Variants in STK31 observed in about 807,000 individuals in gnomAD.
STK31 encodes the protein serine/threonine kinase 31, also known as serine/threonine-protein kinase 31.
A neutral mutation model predicts 129.7 loss-of-function variants in STK31; 89 were observed. The observed-to-expected ratio is 0.69, with a 90% CI of 0.58 to 0.82. STK31 has a LOEUF of 0.82. Ranked by LOEUF, STK31 falls within the 40% of genes least tolerant of loss-of-function variation. STK31 has a pLI of 0.00. For synonymous variants in STK31, 448 were observed against 395.3 expected, an observed-to-expected ratio of 1.13 and a Z score of -1.58; for missense variants, 1,187 against 1,176.4, an observed-to-expected ratio of 1.01 and a Z score of -0.13.
intron 21 of STK31, 151 bp from the exon 22 acceptor site, chr7:23,790,673 A>G (rs1477489915): frequency 4.0e-6 from 3 of 752,420 alleles, no homozygotes; most frequent in African/African-American, 3.6e-5. Context: ...AGAGCAATTT[A>G]TAATAGCAGA....
intron 23 of STK31, among the ~76,000 whole-genome samples, chr7:23,828,928 T>A (rs1794368799): frequency 6.6e-6 from 1 of 151,958 alleles, no homozygotes; most frequent in Non-Finnish European, 1.5e-5. Context: ...GAGATGGAGT[T>A]TCGTTCGTGT....
chr7:23,760,041 G>T (rs149957991), intron 10 of STK31, among the ~76,000 whole-genome samples: 11 of 152,194 alleles, frequency 7.2e-5, no homozygotes, highest in Admixed American at 1.3e-4. Flanking sequence ...TTGTTTGTGT[G>T]TGTGAGTAGG....
chr7:23,772,169 A>C lies in STK31; in HGVS notation c.1856A>C (p.Tyr619Ser), dbSNP rs914767320. The C allele has an allele frequency of 6.3e-7, 1 of 1,584,772 alleles. No homozygotes were observed. Among genetic ancestry groups the C allele is most frequent in the African/African-American group, 1.4e-5 (1 of 73,500 alleles). ...TAGTTTAAAAAGCAGCTTATTGAAT[A>C]TTTAAATAAGAGTCCCAGTGTGGAT... is the stretch of plus-strand genomic sequence containing the variant. ...SIEFKKQLIE[Y>S]LNKSPSVDHL... Residue 619 changes from tyrosine to serine, a missense_variant, in exon 15 of 24, where the codon TAT (tyrosine) becomes TCT (serine). By Grantham distance (144) the Tyr-to-Ser change is moderately radical. This residue lies in a region of STK31 where 975 missense variants were observed against 934.9 expected (regional missense o/e 1.04). Coordinates refer to ENST00000355870, the MANE Select transcript of STK31 (RefSeq NM_031414.5).
Position 23,710,527 on chromosome 7 carries a change from G to A in STK31, c.50+192G>A, listed in dbSNP as rs1440634609. 2.8e-6 allele frequency: 4 copies of A among 1,444,360 alleles called. No individual in the cohort carries two copies. The East Asian group carries it at 7.6e-5, about 27-fold the overall frequency. The allele number at this position is 1,444,360 out of a possible 1,614,324, so 89.5% of individuals were successfully genotyped here. On this transcript the variant is annotated intron_variant, in intron 1 of 23. Transcript: ENST00000355870. Reference sequence around the variant, plus strand: ...GAGTGCATGCAGGCAGGCGAAAGTGGCTCGAAAAGACCTCCGGCCTGAATG... The same window carrying A: ...GAGTGCATGCAGGCAGGCGAAAGTGACTCGAAAAGACCTCCGGCCTGAATG...
rs576141867 is a variant in STK31 at position 23,806,695 on chromosome 7, T to C, written c.2761-8449T>C. Among the ~76,000 whole-genome samples, 11 of 152,082 alleles carry C rather than the reference T, an allele frequency of 7.2e-5. No individual in the cohort carries two copies. The East Asian group carries it at 1.9e-3, about 27-fold the overall frequency. On this transcript the variant is annotated intron_variant, in intron 22 of 23. Transcript: ENST00000355870. ...GCGGGTGGATCACGAGGTCAGGAGA[T>C]AGAGACCATCCTGGTTAACATGGTG...
chr7:23,810,011 G>A (rs1792985804), intron 22 of STK31, among the ~76,000 whole-genome samples: 1 of 152,168 alleles, frequency 6.6e-6, no homozygotes, highest in African/African-American at 2.4e-5. Context: ...ACTGAGAGTT[G>A]AAGTCCCTGG....
intron 4 of STK31, 34 bp from the exon 5 acceptor site, chr7:23,727,207 T>C: frequency 1.3e-6 from 2 of 1,582,026 alleles, no homozygotes; most frequent in Middle Eastern, 1.7e-4. Flanking sequence ...ATGCTTTAAA[T>C]GCCAAGTAAT....
intron 22 of STK31, among the ~76,000 whole-genome samples, chr7:23,811,811 A>T (rs1432522161): frequency 6.6e-6 from 1 of 152,210 alleles, no homozygotes; most frequent in Non-Finnish European, 1.5e-5. Context: ...TACAATATAC[A>T]TATGTGGCTT....
chr7:23,763,827 G>A (rs1257503452), intron 11 of STK31, among the ~76,000 whole-genome samples: 1 of 151,998 alleles, frequency 6.6e-6, no homozygotes, highest in Admixed American at 6.6e-5. Flanking sequence ...ATTTTCAAGT[G>A]TTTTCATTTG....
rs529113942 is a variant in STK31 at position 23,788,040 on chromosome 7, A to T, written c.2548A>T (p.Ile850Leu). The change falls in exon 21 of 24, where the codon ATA (isoleucine) becomes TTA (leucine). Residue 850 changes from isoleucine to leucine, a missense_variant. By Grantham distance (5) the Ile-to-Leu change is conservative (BLOSUM62 2). This residue lies in a region of STK31 where 975 missense variants were observed against 934.9 expected (regional missense o/e 1.04). Transcript: ENST00000355870. ...QGLHTLHKAD[I>L]IHGSLHQNNV... ...TCTGCATACATTGCATAAGGCTGAC[A>T]TAATTCATGGATCACTTCATCAGAA... 4 of 1,612,258 alleles carry T rather than the reference A, an allele frequency of 2.5e-6. No homozygotes were observed. In the South Asian group the frequency reaches 3.3e-5, roughly 13 times the overall value.
At chr7:23,712,061 G>T (rs1156355095) in intron 1 of STK31, 38 bp from the exon 2 acceptor site, 1 of 1,506,594 alleles carries the variant, frequency 6.6e-7, no homozygotes. Context: ...CATTATTAAT[G>T]GTGGATTATT....
At chr7:23,732,581 A>G (rs891303610) in intron 6 of STK31, among the ~76,000 whole-genome samples, 38 of 152,262 alleles carry the variant, frequency 2.5e-4, no homozygotes, top group Non-Finnish European at 1.6e-4. Context: ...ACCACTTCAT[A>G]CTAATTGTGA....
rs753729762 is a variant in STK31, at chr7:23,717,476, TC to T, written c.151-4del. The T allele has an allele frequency of 4.2e-4, 672 of 1,588,034 alleles. 3 individuals are homozygous for T. The African/African-American group carries it at 7.6e-3, about 18-fold the overall frequency. On this transcript the variant is annotated splice_polypyrimidine_tract_variant and splice_region_variant and intron_variant, in intron 3 of 23. Transcript: ENST00000355870. ...TGTATCTTATACTATATCTAATCTT[TC>T]TAGAGTATCAATAGAAATAAGGATA...
chr7:23,753,657 C>T (rs576871441), intron 9 of STK31, among the ~76,000 whole-genome samples: 9 of 152,272 alleles, frequency 5.9e-5, no homozygotes, highest in Admixed American at 3.9e-4. Flanking sequence ...TGGTAGGGGG[C>T]GCTTCTTAGA....
intron 3 of STK31, among the ~76,000 whole-genome samples, chr7:23,714,688 C>G (rs1414656540): frequency 6.6e-6 from 1 of 152,084 alleles, no homozygotes. Context: ...TGGGTATTGG[C>G]TATTGTATTC....
chr7:23,791,286 C>T, intron 22 of STK31: 1 of 985,126 alleles, frequency 1.0e-6, no homozygotes, highest in Non-Finnish European at 1.2e-6. Context: ...CCAGTGTAGA[C>T]CAAATAGCTG....
intron 8 of STK31, among the ~76,000 whole-genome samples, chr7:23,750,067 T>TCCCCCCCCCCCCCCCCCCCC (rs1171568592): frequency 3.3e-5 from 3 of 90,556 alleles, no homozygotes; most frequent in East Asian, 3.1e-4. Flanking sequence ...ATGGTTTGTT[T>TCCCCCCCCCCCCCCCCCCCC]CCCCCCCCGC....
In STK31 at chr7:23,815,190, C is replaced by T; in HGVS notation, c.2807C>T (p.Pro936Leu). The change falls in exon 23 of 24, where the codon CCC becomes CTC. Residue 936 changes from proline (P) to leucine (L), a missense_variant. By Grantham distance (98) the Pro-to-Leu change is moderately conservative. Coordinates refer to ENST00000355870, the MANE Select transcript of STK31 (RefSeq NM_031414.5). Reference sequence around the variant, plus strand: ...TTTGAGATAAATAAAGATGGAATCCCCAAAGTGGATCAGTTTCATCTGGTA... The same window carrying T: ...TTTGAGATAAATAAAGATGGAATCCTCAAAGTGGATCAGTTTCATCTGGTA... ...QEFEINKDGI[P>L]KVDQFHLDDK... is the part of the protein sequence containing the mutation. The T allele has an allele frequency of 5.6e-6, 9 of 1,594,532 alleles. No individual in the cohort carries two copies. Among genetic ancestry groups the T allele is most frequent in the Non-Finnish European group, 7.7e-6 (9 of 1,171,216 alleles).
chr7:23,763,904 C>T (rs1027920751), intron 11 of STK31, among the ~76,000 whole-genome samples: 1 of 152,134 alleles, frequency 6.6e-6, no homozygotes, highest in African/African-American at 2.4e-5. Context: ...TGAATTTTTA[C>T]TGCTTTGGTC....
Sources: allele counts gnomAD v4.1 joint callset (sites outside exome capture counted in the v4.1 genomes callset), GRCh38; gene constraint gnomAD v4.1.1; regional missense constraint gnomAD v4.1.1; transcripts MANE v1.5; gene names NCBI Gene and HGNC (gene_info 2026-07-23, HGNC 2026-07-21).